MCTP1: variants seen among roughly 807,000 people sequenced by gnomAD.
MCTP1 encodes multiple C2 and transmembrane domain-containing protein 1.
In MCTP1, 69 loss-of-function variants were observed where a neutral mutation model predicts 120.6. The ratio of observed to expected loss-of-function variants is 0.57; its 90% CI spans 0.47 to 0.70. MCTP1 has a LOEUF of 0.70. Among genes scored for constraint, MCTP1 ranks in the 30% least tolerant of loss-of-function variants. MCTP1 has a pLI of 0.00. For missense variants in MCTP1, 1,203 were observed against 1,248.8 expected, an observed-to-expected ratio of 0.96 and a Z score of 0.55; for synonymous variants, 529 against 493.1, an observed-to-expected ratio of 1.07 and a Z score of -0.96.
Position 94,714,818 on chromosome 5 carries a change from G to A in MCTP1, c.2679C>T (p.Asn893=), listed in dbSNP as rs1758478100. The A allele has an allele frequency of 6.2e-7, 1 of 1,612,430 alleles. No homozygotes were observed. The highest frequency in any genetic ancestry group is 1.7e-4 in the Middle Eastern group (1 of 6,052). Residue 893 remains asparagine, a synonymous_variant, in exon 20 of 23, where the codon AAC becomes AAT. Coordinates refer to ENST00000515393, the MANE Select transcript of MCTP1 (RefSeq NM_024717.7). The stretch of plus-strand genomic sequence containing the variant: ...CAAAGGAAGCCACTTCATCTAGGAT[G>A]TTCTGGACACTGACACATACCTCCT... ...AIQEVCVSVQ[N]ILDEVASFGE...
At chr5:94,903,160 A>T (rs548722621) in intron 10 of MCTP1, among the ~76,000 whole-genome samples, 1 of 150,844 alleles carries the variant, frequency 6.6e-6, no homozygotes, top group East Asian at 1.9e-4. Context: ...AAAAAAAAAT[A>T]GTAAAATACA....
At chr5:94,985,620 C>T (rs1490116838) in intron 2 of MCTP1, among the ~76,000 whole-genome samples, 1 of 152,184 alleles carries the variant, frequency 6.6e-6, no homozygotes, top group Non-Finnish European at 1.5e-5. Context: ...GACAAAGTTA[C>T]TTCATAACTC....
At chr5:94,912,357 G>A (rs111254185) in intron 9 of MCTP1, among the ~76,000 whole-genome samples, 8 of 145,380 alleles carry the variant, frequency 5.5e-5, no homozygotes, top group East Asian at 2.1e-4. Context: ...CCCGGGAGTC[G>A]GAGGTTGCAG....
chr5:95,171,319 C>T (rs541890056), intron 1 of MCTP1, among the ~76,000 whole-genome samples: 1 of 152,266 alleles, frequency 6.6e-6, no homozygotes, highest in Admixed American at 6.5e-5. Flanking sequence ...GATAACCCCA[C>T]CTTTCTCTCG....
At chr5:94,800,160 T>C (rs1780911069) in intron 17 of MCTP1, among the ~76,000 whole-genome samples, 1 of 152,222 alleles carries the variant, frequency 6.6e-6, no homozygotes, top group South Asian at 2.1e-4. Context: ...ACACAATGCT[T>C]GGTGTGCAGT....
intron 1 of MCTP1, among the ~76,000 whole-genome samples, chr5:95,070,003 G>A (rs377052437): frequency 2.0e-5 from 3 of 152,032 alleles, no homozygotes; most frequent in African/African-American, 7.2e-5. Context: ...GTGCCCGGCC[G>A]ACCCTCCCTT....
chr5:94,902,286 T>C (rs1364263860), intron 10 of MCTP1, among the ~76,000 whole-genome samples: 1 of 152,182 alleles, frequency 6.6e-6, no homozygotes, highest in East Asian at 1.9e-4. Flanking sequence ...TCAGCCACGA[T>C]ATAGCTCACA....
At chr5:94,961,329 G>A (rs1277302287) in intron 2 of MCTP1, among the ~76,000 whole-genome samples, 1 of 152,050 alleles carries the variant, frequency 6.6e-6, no homozygotes, top group Non-Finnish European at 1.5e-5. Context: ...GTAGATGACA[G>A]GTTGATGGGT....
chr5:94,738,164 C>G, intron 19 of MCTP1, among the ~76,000 whole-genome samples: 1 of 152,076 alleles, frequency 6.6e-6, no homozygotes, highest in South Asian at 2.1e-4. Context: ...TATGGATAAC[C>G]CTCATCTTCT....
In MCTP1 at chr5:94,724,964, T is replaced by TAA. The variant is rs34442808; in HGVS notation, c.2611-10080_2611-10079dup. Among the ~76,000 whole-genome samples, 170 of 149,970 alleles carry TAA rather than the reference T, an allele frequency of 1.1e-3. 1 individual carries two copies. Among genetic ancestry groups the TAA allele is most frequent in the African/African-American group, 3.4e-3 (138 of 40,876 alleles). Reference sequence around the variant, plus strand: ...TGAGGCTCCCAAGTATCCAGAGATTTAAAAAAAAAAGTAACAAAGGCTACT... The same window carrying TAA: ...TGAGGCTCCCAAGTATCCAGAGATTTAAAAAAAAAAAAGTAACAAAGGCTACT... On this transcript the variant is annotated intron_variant, in intron 19 of 22. Coordinates refer to ENST00000515393, the MANE Select transcript of MCTP1 (RefSeq NM_024717.7).
At chr5:95,090,441 T>A (rs1755758035) in intron 1 of MCTP1, among the ~76,000 whole-genome samples, 1 of 152,194 alleles carries the variant, frequency 6.6e-6, no homozygotes, top group South Asian at 2.1e-4. Context: ...GCTTAAATGC[T>A]GCTGCTCCAG....
At chr5:94,711,975 A>G (rs1398918436) in intron 20 of MCTP1, among the ~76,000 whole-genome samples, 1 of 151,550 alleles carries the variant, frequency 6.6e-6, no homozygotes, top group Non-Finnish European at 1.5e-5. Context: ...GGTTGGGCAT[A>G]TAAATATATC....
chr5:95,122,395 A>G (rs1193834832), intron 1 of MCTP1, among the ~76,000 whole-genome samples: 1 of 152,212 alleles, frequency 6.6e-6, no homozygotes, highest in African/African-American at 2.4e-5. Context: ...GGTATATGAA[A>G]TGGTGCTCAA....
chr5:95,284,093 G>T lies in MCTP1; in HGVS notation c.483C>A (p.Ser161=), dbSNP rs1180967889. Residue 161 remains serine, a synonymous_variant, in exon 1 of 23, where the codon TCC becomes TCA. Transcript: ENST00000515393. The surrounding 1 kb of genome is among the most constrained non-coding windows in gnomAD (Gnocchi z 5.2). ...GCGAGGAGGACAGGGAGGATGAGGCGGAGGAAGAGGAAGGAGCTGAGTCGG... is the reference window on the plus strand; with the variant it reads ...GCGAGGAGGACAGGGAGGATGAGGCTGAGGAAGAGGAAGGAGCTGAGTCGG... ...RSPDSAPSSS[S]ASSSLSSSPQ... 19 of 1,550,686 alleles carry T rather than the reference G, an allele frequency of 1.2e-5. No individual in the cohort carries two copies. Among genetic ancestry groups the T allele is most frequent in the Non-Finnish European group, 1.6e-5 (18 of 1,147,030 alleles).
At chr5:95,042,609 C>T (rs1264578664) in intron 1 of MCTP1, among the ~76,000 whole-genome samples, 1 of 152,176 alleles carries the variant, frequency 6.6e-6, no homozygotes, top group African/African-American at 2.4e-5. Flanking sequence ...AAACAATATA[C>T]AAAAGTAAAG....
At chr5:94,711,049 T>C (rs1580204657) in intron 20 of MCTP1, 122 bp from the exon 21 acceptor site, 3 of 714,284 alleles carry the variant, frequency 4.2e-6, no homozygotes, top group Non-Finnish European at 7.3e-6. Context: ...TAGATTCCAA[T>C]TGTAATAGGT....
At chr5:94,737,922 A>G (rs1580393747) in intron 19 of MCTP1, among the ~76,000 whole-genome samples, 1 of 152,208 alleles carries the variant, frequency 6.6e-6, no homozygotes, top group Non-Finnish European at 1.5e-5. Context: ...CAGGCGATCC[A>G]CCTGCCTCGG....
At chr5:94,817,979 C>T (rs908746533) in intron 17 of MCTP1, among the ~76,000 whole-genome samples, 3 of 152,160 alleles carry the variant, frequency 2.0e-5, no homozygotes, top group African/African-American at 7.2e-5. Flanking sequence ...AAAAGAGTAT[C>T]AGCTGCTCCT....
At chr5:94,981,030 C>T (rs949059638) in intron 2 of MCTP1, 6 of 151,964 alleles carry the variant, frequency 3.9e-5, no homozygotes, top group African/African-American at 1.4e-4. Flanking sequence ...ATGCTAAAAA[C>T]AGTTAATAAG....
Sources: allele counts gnomAD v4.1 joint callset (sites outside exome capture counted in the v4.1 genomes callset), GRCh38; gene constraint gnomAD v4.1.1; non-coding constraint Gnocchi (gnomAD v3.1); transcripts MANE v1.5; gene names NCBI Gene and HGNC (gene_info 2026-07-23, HGNC 2026-07-21).